The following ATE1 variants were observed in gnomAD, a reference collection of about 807,000 sequenced individuals.
The protein encoded by ATE1 is arginyltransferase 1, also known as arginyl-tRNA--protein transferase 1.
A neutral mutation model predicts 70.5 loss-of-function variants in ATE1; 36 were observed. That is an observed-to-expected ratio of 0.51 (90% CI 0.39 to 0.67). The LOEUF is 0.67. Among genes scored for constraint, ATE1 ranks in the 30% least tolerant of loss-of-function variants. The pLI, the probability that ATE1 is intolerant of heterozygous loss-of-function variation, is 0.00. For synonymous variants in ATE1, 232 were observed against 219.3 expected, an observed-to-expected ratio of 1.06 and a Z score of -0.51; for missense variants, 593 against 629.5, an observed-to-expected ratio of 0.94 and a Z score of 0.62.
chr10:121,762,371 C>T (rs577643595), intron 11 of ATE1, among the ~76,000 whole-genome samples: 11 of 151,920 alleles, frequency 7.2e-5, no homozygotes, highest in Non-Finnish European at 5.9e-5. Context: ...GATTCAATGA[C>T]CATGTTTAAG....
chr10:121,907,242 G>A (rs1268873666), intron 5 of ATE1, among the ~76,000 whole-genome samples: 1 of 151,360 alleles, frequency 6.6e-6, no homozygotes, highest in Non-Finnish European at 1.5e-5. Flanking sequence ...ATCACTTGAG[G>A]CCAGGAGTTC....
chr10:121,852,002 C>G (rs1180679687), intron 8 of ATE1, among the ~76,000 whole-genome samples: 1 of 152,236 alleles, frequency 6.6e-6, no homozygotes, highest in Non-Finnish European at 1.5e-5. Context: ...TGCATATTTA[C>G]TGTGATAAAG....
At chr10:121,823,921 G>A (rs901239148) in intron 10 of ATE1, among the ~76,000 whole-genome samples, 1 of 152,034 alleles carries the variant, frequency 6.6e-6, no homozygotes, top group African/African-American at 2.4e-5. Flanking sequence ...AACTCTTCTC[G>A]TGGGTAAAAT....
At chr10:121,907,038 A>C (rs1296774537) in intron 5 of ATE1, among the ~76,000 whole-genome samples, 1 of 152,206 alleles carries the variant, frequency 6.6e-6, no homozygotes, top group African/African-American at 2.4e-5. Context: ...AAAACTGTGT[A>C]ATGTGGGAAA....
chr10:121,790,889 G>T (rs986140750), intron 10 of ATE1, among the ~76,000 whole-genome samples: 1 of 151,502 alleles, frequency 6.6e-6, no homozygotes, highest in Non-Finnish European at 1.5e-5. Context: ...ATAATCCACT[G>T]AACTTTCTTC....
chr10:121,926,552 A>G (rs921667190), intron 1 of ATE1, among the ~76,000 whole-genome samples: 2 of 152,240 alleles, frequency 1.3e-5, no homozygotes, highest in Admixed American at 6.5e-5. Context: ...GAAATACAAG[A>G]CATTTATGTT....
At chr10:121,758,162 A>G (rs1944884996) in intron 11 of ATE1, among the ~76,000 whole-genome samples, 1 of 152,212 alleles carries the variant, frequency 6.6e-6, no homozygotes, top group Non-Finnish European at 1.5e-5. Flanking sequence ...ATTATCAAAT[A>G]CATTGAATCA....
chr10:121,804,636 T>C (rs1478121362), intron 10 of ATE1, among the ~76,000 whole-genome samples: 8 of 152,108 alleles, frequency 5.3e-5, no homozygotes, highest in Admixed American at 5.2e-4. Context: ...GAGCACAGGC[T>C]GGTGATCCAT....
intron 11 of ATE1, among the ~76,000 whole-genome samples, chr10:121,783,792 T>C (rs1383602725): frequency 2.0e-5 from 3 of 152,228 alleles, no homozygotes; most frequent in Non-Finnish European, 4.4e-5. Context: ...ATCACGATAT[T>C]TTTGAGCTTA....
chr10:121,790,235 T>C lies in ATE1; in HGVS notation c.1312A>G (p.Ile438Val), dbSNP rs767045204. 3.1e-6 allele frequency: 5 copies of C among 1,613,974 alleles called. No individual in the cohort carries two copies. The highest frequency in any genetic ancestry group is 1.7e-4 in the Middle Eastern group (1 of 6,060). ...LCPETYVWVPIEQCLPSLENS... is the reference protein window; with the variant it reads ...LCPETYVWVPVEQCLPSLENS... The stretch of plus-strand genomic sequence containing the variant: ...TCAAGTGAAGGCAGGCATTGCTCAA[T>C]GGGTACCCAAACATATGTCTCAGGG... The change falls in exon 11 of 12, where the codon ATT (isoleucine) becomes GTT (valine). Residue 438 changes from isoleucine (I) to valine (V), a missense_variant. Physicochemically the swap from Ile to Val is conservative, Grantham distance 29. This residue lies in a region of ATE1 where 36 missense variants were observed against 66.3 expected (regional missense o/e 0.54). Transcript: ENST00000224652.
chr10:121,793,223 C>T (rs1946524738), intron 10 of ATE1, among the ~76,000 whole-genome samples: 1 of 152,172 alleles, frequency 6.6e-6, no homozygotes, highest in Non-Finnish European at 1.5e-5. Context: ...ATCATTATCA[C>T]TGCATGTCCA....
rs1450135845 is a variant in ATE1, at chr10:121,841,204, C to G, written c.1035G>C (p.Trp345Cys). 3 of 1,581,052 alleles carry G rather than the reference C, an allele frequency of 1.9e-6. No individual in the cohort carries two copies. The Admixed American group carries it at 5.1e-5, about 27-fold the overall frequency. Reference sequence around the variant, plus strand: ...CCACAGCAATGATCTTTCCGTCAAGCCAGTACTGCTGGTGAAAGGAGCCAT... The same window carrying G: ...CCACAGCAATGATCTTTCCGTCAAGGCAGTACTGCTGGTGAAAGGAGCCAT... The part of the protein sequence containing the change: ...CGYGSFHQQY[W>C]LDGKIIAVGV... Residue 345 changes from tryptophan (W) to cysteine (C), a missense_variant, in exon 9 of 12, where the codon TGG (tryptophan) becomes TGC (cysteine). This residue lies in a region of ATE1 where 467 missense variants were observed against 469.6 expected (regional missense o/e 0.99). Transcript: ENST00000224652.
chr10:121,753,743 C>T (rs1190477539), intron 11 of ATE1, among the ~76,000 whole-genome samples: 1 of 152,124 alleles, frequency 6.6e-6, no homozygotes, highest in Non-Finnish European at 1.5e-5. Flanking sequence ...CCTATTTCAC[C>T]GTTTATCTTT....
At chr10:121,885,562 C>T (rs1199709857) in intron 7 of ATE1, among the ~76,000 whole-genome samples, 2 of 65,086 alleles carry the variant, frequency 3.1e-5, no homozygotes, top group Non-Finnish European at 5.7e-5. Flanking sequence ...AGCAAGACTC[C>T]GTCTCAAAAA....
chr10:121,791,771 T>C (rs919545370), intron 10 of ATE1, among the ~76,000 whole-genome samples: 1 of 152,228 alleles, frequency 6.6e-6, no homozygotes, highest in Non-Finnish European at 1.5e-5. Flanking sequence ...TGTTCTAGTC[T>C]ATTTTATTTC....
chr10:121,919,151 TTTG>T (rs1016838916), intron 3 of ATE1, among the ~76,000 whole-genome samples: 4 of 151,970 alleles, frequency 2.6e-5, no homozygotes, highest in African/African-American at 7.2e-5. Flanking sequence ...CTGTGGAAGG[TTTG>T]TTCTTTCACA....
chr10:121,796,646 T>C (rs10736305), intron 10 of ATE1, among the ~76,000 whole-genome samples: 143,747 of 152,264 alleles, frequency 0.94, 68,087 homozygotes, highest in Non-Finnish European at 0.98. Context: ...ATTAAAAAAA[T>C]TAAAATATGG....
At chr10:121,808,744 T>C (rs563526817) in intron 10 of ATE1, among the ~76,000 whole-genome samples, 2 of 152,300 alleles carry the variant, frequency 1.3e-5, no homozygotes, top group African/African-American at 2.4e-5. Context: ...TTCATACAAA[T>C]ATATGATACG....
chr10:121,743,572 A>G lies in ATE1; in HGVS notation c.*108T>C. On this transcript the variant is annotated 3_prime_UTR_variant, in exon 12 of 12. Transcript: ENST00000224652. ...AAAGCCATAGATAGTCAAAATAAAA[A>G]ATGTCTAATTTGTGGGTGGTGACAG... The G allele has an allele frequency of 1.4e-6, 2 of 1,385,078 alleles. No homozygotes were observed. Among genetic ancestry groups the G allele is most frequent in the Non-Finnish European group, 1.9e-6 (2 of 1,072,322 alleles). The allele number at this position is 1,385,078 out of a possible 1,614,324, so 85.8% of individuals were successfully genotyped here.
Sources: gnomAD v4.1 joint callset for allele counts (sites outside exome capture counted in the v4.1 genomes callset) on GRCh38, gnomAD v4.1.1 for gene constraint, gnomAD v4.1.1 regional missense constraint, MANE v1.5 for transcripts, NCBI Gene and HGNC (gene_info 2026-07-23, HGNC 2026-07-21) for gene names.